USP33: variants seen among roughly 807,000 people sequenced by gnomAD.
USP33 encodes the protein ubiquitin specific peptidase 33.
In USP33, 46 loss-of-function variants were observed where a neutral mutation model predicts 124.2. That is an observed-to-expected ratio of 0.37 (90% CI 0.29 to 0.47). The LOEUF (loss-of-function observed/expected upper bound fraction) is 0.47. USP33 is among the 20% of genes least tolerant of loss of function. The pLI, the probability that USP33 is intolerant of heterozygous loss-of-function variation, is 0.99. For missense variants in USP33, 851 were observed against 1,070.6 expected (o/e 0.79, Z 2.86); for synonymous variants, 350 against 352.3 (o/e 0.99, Z 0.07).
chr1:77,725,774 A>C lies in USP33; in HGVS notation c.1136-12T>G. ...ATCAGTGATATATTCTGTAAGATTTAAAATTTGCATTATTACCTTAAATAG... is the reference window on the plus strand; with the variant it reads ...ATCAGTGATATATTCTGTAAGATTTCAAATTTGCATTATTACCTTAAATAG... On this transcript the variant is annotated splice_polypyrimidine_tract_variant and intron_variant, in intron 10 of 23. Coordinates refer to ENST00000370794, the MANE Select transcript of USP33 (RefSeq NM_201624.3). 1 of 1,601,350 alleles carries C rather than the reference A, an allele frequency of 6.2e-7. No individual in the cohort carries two copies. Among genetic ancestry groups the C allele is most frequent in the African/African-American group, 1.3e-5 (1 of 74,682 alleles).
In USP33 at chr1:77,722,210, G is replaced by T; in HGVS notation, c.1390-14C>A. On this transcript the variant is annotated splice_polypyrimidine_tract_variant and intron_variant, in intron 12 of 23. Transcript: ENST00000370794. ...GGTTACAGACACCTAAAATTGTTTTGTGTTTTAAAAATGGGATGAACATAA... is the reference window on the plus strand; with the variant it reads ...GGTTACAGACACCTAAAATTGTTTTTTGTTTTAAAAATGGGATGAACATAA... 6.3e-7 allele frequency: 1 copy of T among 1,598,216 alleles called. No homozygotes were observed. Among genetic ancestry groups the T allele is most frequent in the East Asian group, 2.2e-5 (1 of 44,594 alleles).
chr1:77,702,174 A>C (rs1039466439), intron 21 of USP33, among the ~76,000 whole-genome samples: 1 of 125,570 alleles, frequency 8.0e-6, no homozygotes, highest in African/African-American at 2.7e-5. Flanking sequence ...AAAAAAAAAA[A>C]AAACCAGTGG....
At chr1:77,723,738 A>G (rs1676843292) in intron 11 of USP33, among the ~76,000 whole-genome samples, 1 of 151,948 alleles carries the variant, frequency 6.6e-6, no homozygotes. Context: ...ATCTCGGCTC[A>G]CTGCCAAGTT....
intron 21 of USP33, among the ~76,000 whole-genome samples, chr1:77,709,190 A>AT (rs1192716038): frequency 6.6e-6 from 1 of 151,994 alleles, no homozygotes; most frequent in Non-Finnish European, 1.5e-5. Context: ...CTCCTATTTT[A>AT]TTTAATGAGG....
chr1:77,711,611 CA>C, intron 21 of USP33, 135 bp downstream of exon 21: 1 of 1,409,490 alleles, frequency 7.1e-7, no homozygotes, highest in Non-Finnish European at 9.5e-7. Flanking sequence ...TGAGGTCATT[CA>C]CCATTATGCA....
chr1:77,697,560 C>T (rs1673538817), intron 23 of USP33, 86 bp from the exon 24 acceptor site: 1 of 1,439,386 alleles, frequency 6.9e-7, no homozygotes, highest in Non-Finnish European at 9.3e-7. Flanking sequence ...CAGCATGAAT[C>T]TTCTCGGGAT....
chr1:77,759,760 G>A lies in USP33; in HGVS notation c.-169C>T. Reference sequence around the variant, plus strand: ...GAGAGGGGCAGTGTCGCGTCAGGAGGGCCGGAAAACGGCCCCGCAGCGCTG... The same window carrying A: ...GAGAGGGGCAGTGTCGCGTCAGGAGAGCCGGAAAACGGCCCCGCAGCGCTG... On this transcript the variant is annotated 5_prime_UTR_variant, in exon 1 of 24. Coordinates refer to ENST00000370794, the MANE Select transcript of USP33 (RefSeq NM_201624.3). 1 of 398,056 alleles carries A rather than the reference G, an allele frequency of 2.5e-6. No homozygotes were observed. Among genetic ancestry groups the A allele is most frequent in the South Asian group, 1.3e-4 (1 of 7,858 alleles). 24.7% of individuals were successfully genotyped at this position (398,056 alleles called of 1,614,324 possible).
At chr1:77,755,638 C>T (rs1309295318) in intron 1 of USP33, among the ~76,000 whole-genome samples, 2 of 152,206 alleles carry the variant, frequency 1.3e-5, no homozygotes, top group Non-Finnish European at 2.9e-5. Context: ...GTGGAGGTTG[C>T]AGTGAGCCAA....
intron 21 of USP33, among the ~76,000 whole-genome samples, chr1:77,703,628 G>A (rs959706850): frequency 1.3e-5 from 2 of 152,094 alleles, no homozygotes; most frequent in Admixed American, 1.3e-4. Context: ...CATCTCAAAA[G>A]TAAAATAAAA....
In USP33 at chr1:77,741,631, T is replaced by C. The variant is rs1185865149; in HGVS notation, c.67A>G (p.Ile23Val). The change falls in exon 2 of 24, where the codon ATA (isoleucine) becomes GTA (valine). Residue 23 changes from isoleucine to valine, a missense_variant. Transcript: ENST00000370794. Reference protein sequence around the residue: ...SVGEITKEDLIQKSLGTCQDC... With the variant: ...SVGEITKEDLVQKSLGTCQDC... ...CTGTTTCTTACAAGGGATTTTTGTA[T>C]CAAATCTTCTTTTGTTATTTCACCA... 6.3e-7 allele frequency: 1 copy of C among 1,589,062 alleles called. No individual in the cohort carries two copies. Among genetic ancestry groups the C allele is most frequent in the East Asian group, 2.2e-5 (1 of 44,554 alleles).
At chr1:77,707,648 A>T (rs1442667557) in intron 21 of USP33, among the ~76,000 whole-genome samples, 4 of 152,194 alleles carry the variant, frequency 2.6e-5, no homozygotes, top group Non-Finnish European at 5.9e-5. Flanking sequence ...AAGACTACTA[A>T]GGGTTCAAAC....
At chr1:77,737,825 A>G (rs368223250) in intron 5 of USP33, among the ~76,000 whole-genome samples, 1 of 152,232 alleles carries the variant, frequency 6.6e-6, no homozygotes, top group South Asian at 2.1e-4. Context: ...CTAGTAAGTG[A>G]TGCTGATAGT....
intron 21 of USP33, among the ~76,000 whole-genome samples, chr1:77,702,157 A>AC (rs1674101941): frequency 1.4e-5 from 2 of 138,748 alleles, no homozygotes; most frequent in Non-Finnish European, 3.0e-5. Flanking sequence ...AAAAAAAAAA[A>AC]AAAAAAAAAA....
chr1:77,709,682 CA>C (rs1210635345), intron 21 of USP33, among the ~76,000 whole-genome samples: 6 of 151,070 alleles, frequency 4.0e-5, no homozygotes, highest in Admixed American at 6.6e-5. Context: ...ATGTCTCTGA[CA>C]GCTAGGTATG....
chr1:77,739,550 C>T (rs1678882651), intron 4 of USP33, 133 bp from the exon 5 acceptor site: 1 of 839,326 alleles, frequency 1.2e-6, no homozygotes, highest in East Asian at 3.0e-5. Flanking sequence ...TAATTTAGAA[C>T]ATGAAAAAAA....
intron 9 of USP33, 76 bp downstream of exon 9, chr1:77,729,784 T>G (rs971137769): frequency 1.5e-5 from 21 of 1,407,072 alleles, no homozygotes; most frequent in Admixed American, 8.6e-5. Flanking sequence ...AAAAGATAAG[T>G]AGACCCAAAA....
At chr1:77,705,570 C>T (rs930347291) in intron 21 of USP33, among the ~76,000 whole-genome samples, 20 of 151,880 alleles carry the variant, frequency 1.3e-4, no homozygotes, top group South Asian at 6.2e-4. Context: ...CATAGCTCAC[C>T]GTAATCTCCA....
intron 17 of USP33, 21 bp from the exon 18 acceptor site, chr1:77,715,889 A>G (rs1557827972): frequency 6.2e-7 from 1 of 1,607,960 alleles, no homozygotes; most frequent in Non-Finnish European, 8.5e-7. Flanking sequence ...GGGAAAAGAA[A>G]TCATTACAGT....
At chr1:77,712,763 T>A (rs999125072) in intron 20 of USP33, among the ~76,000 whole-genome samples, 2 of 151,422 alleles carry the variant, frequency 1.3e-5, no homozygotes, top group African/African-American at 4.9e-5. Context: ...CAGGCTGAAG[T>A]GAGAGGACCA....
Sources: allele counts gnomAD v4.1 joint callset (sites outside exome capture counted in the v4.1 genomes callset), GRCh38; gene constraint gnomAD v4.1.1; transcripts MANE v1.5; gene names NCBI Gene and HGNC (gene_info 2026-07-23, HGNC 2026-07-21).